Variants in FRMD4B observed in about 807,000 individuals in gnomAD.
The protein encoded by FRMD4B is FERM domain-containing protein 4B.
FRMD4B carries 74 observed loss-of-function variants against 141.5 expected under a neutral mutation model. That is an observed-to-expected ratio of 0.52 (90% CI 0.43 to 0.63). The LOEUF is 0.63. Among genes scored for constraint, FRMD4B ranks in the 30% least tolerant of loss-of-function variants. The pLI is 0.00. For synonymous variants in FRMD4B, 506 were observed against 467.9 expected (o/e 1.08, Z -1.05); for missense variants, 1,366 against 1,253.4 (o/e 1.09, Z -1.36).
chr3:69,425,705 A>G (rs1368708227), intron 2 of FRMD4B, among the ~76,000 whole-genome samples: 1 of 152,216 alleles, frequency 6.6e-6, no homozygotes, highest in Admixed American at 6.5e-5. Context: ...TGCACTTGGT[A>G]CAAAGTAGAT....
chr3:69,536,246 G>A (rs1335284095), intron 1 of FRMD4B: 1 of 607,816 alleles, frequency 1.6e-6, no homozygotes, highest in Non-Finnish European at 3.0e-6. Context: ...CTTCCCCTTG[G>A]CCTTTTCCGC....
At chr3:69,231,826 T>C (rs539266881) in intron 7 of FRMD4B, among the ~76,000 whole-genome samples, 6 of 152,280 alleles carry the variant, frequency 3.9e-5, no homozygotes, top group Non-Finnish European at 7.4e-5. Flanking sequence ...GGCATATTAT[T>C]ATAGAAGGTT....
Position 69,267,707 on chromosome 3 carries a change from C to G in FRMD4B, c.502-17608G>C, listed in dbSNP as rs558793301. Reference sequence around the variant, plus strand: ...GAGAGAGAGTGTCTGTCTGTCCCCCCAGTCTATCTCTGCCTCCCGGGTTCA... The same window carrying G: ...GAGAGAGAGTGTCTGTCTGTCCCCCGAGTCTATCTCTGCCTCCCGGGTTCA... On this transcript the variant is annotated intron_variant, in intron 5 of 22. Coordinates refer to ENST00000398540, the MANE Select transcript of FRMD4B (RefSeq NM_015123.3). Among the ~76,000 whole-genome samples, 16 of 148,688 alleles carry G rather than the reference C, an allele frequency of 1.1e-4. 1 individual carries two copies. In the South Asian group the frequency reaches 3.4e-3, roughly 32 times the overall value.
At chr3:69,235,142 C>G (rs113405560) in intron 7 of FRMD4B, among the ~76,000 whole-genome samples, 2 of 136,064 alleles carry the variant, frequency 1.5e-5, no homozygotes, top group African/African-American at 5.5e-5. Flanking sequence ...AGAGCGAGAC[C>G]CTGTCTCAAA....
At chr3:69,459,082 A>G (rs1342575663) in intron 1 of FRMD4B, among the ~76,000 whole-genome samples, 2 of 152,200 alleles carry the variant, frequency 1.3e-5, no homozygotes, top group African/African-American at 2.4e-5. Context: ...TTTATGTGCT[A>G]ACAAAATGCA....
At chr3:69,453,637 T>G (rs540423865) in intron 1 of FRMD4B, among the ~76,000 whole-genome samples, 20 of 152,194 alleles carry the variant, frequency 1.3e-4, no homozygotes, top group South Asian at 6.2e-4. Context: ...AAAACCAATC[T>G]CAGCATGGCT....
chr3:69,244,370 G>A (rs2093409125), intron 7 of FRMD4B, among the ~76,000 whole-genome samples: 1 of 152,198 alleles, frequency 6.6e-6, no homozygotes, highest in Non-Finnish European at 1.5e-5. Flanking sequence ...ACAAGGAGTG[G>A]ACCAGAGCAG....
intron 1 of FRMD4B, among the ~76,000 whole-genome samples, chr3:69,380,324 G>T (rs1199974726): frequency 6.6e-6 from 1 of 152,142 alleles, no homozygotes; most frequent in African/African-American, 2.4e-5. Context: ...GTAAAAATGG[G>T]AATGTAGTCT....
At chr3:69,216,023 G>A (rs141759795) in intron 11 of FRMD4B, among the ~76,000 whole-genome samples, 60 of 152,188 alleles carry the variant, frequency 3.9e-4, no homozygotes, top group Admixed American at 1.5e-3. Flanking sequence ...GTGTGGTGGC[G>A]TGTGCCTGTA....
chr3:69,478,079 T>G (rs1706033708), intron 1 of FRMD4B, among the ~76,000 whole-genome samples: 4 of 152,202 alleles, frequency 2.6e-5, no homozygotes, highest in African/African-American at 7.2e-5. Context: ...ATTGCATCTA[T>G]TTGATTCTTC....
intron 1 of FRMD4B, among the ~76,000 whole-genome samples, chr3:69,338,988 G>T (rs1668991670): frequency 6.6e-6 from 1 of 151,952 alleles, no homozygotes. Context: ...AATCCTCATG[G>T]GTTAATATCC....
chr3:69,455,293 T>G (rs541402851), intron 1 of FRMD4B, among the ~76,000 whole-genome samples: 1 of 152,236 alleles, frequency 6.6e-6, no homozygotes, highest in Non-Finnish European at 1.5e-5. Flanking sequence ...TCTGTTTACA[T>G]AATGTGGGAG....
At chr3:69,381,746 T>C (rs990027807) in intron 1 of FRMD4B, among the ~76,000 whole-genome samples, 5 of 152,236 alleles carry the variant, frequency 3.3e-5, no homozygotes, top group Admixed American at 3.3e-4. Flanking sequence ...TTAATCTTTG[T>C]ACTTATCTTG....
At chr3:69,421,141 C>T (rs1704970951) in intron 2 of FRMD4B, among the ~76,000 whole-genome samples, 1 of 152,202 alleles carries the variant, frequency 6.6e-6, no homozygotes, top group Non-Finnish European at 1.5e-5. Context: ...CTTAGATACA[C>T]CCAGGTGCTA....
At chr3:69,451,188 T>C (rs528242483) in intron 1 of FRMD4B, among the ~76,000 whole-genome samples, 7 of 151,396 alleles carry the variant, frequency 4.6e-5, no homozygotes, top group African/African-American at 1.7e-4. Context: ...ATAGCCAGGG[T>C]GGTGATTTCC....
At chr3:69,341,955 T>A (rs1477381993) in intron 1 of FRMD4B, among the ~76,000 whole-genome samples, 1 of 152,180 alleles carries the variant, frequency 6.6e-6, no homozygotes, top group South Asian at 2.1e-4. Flanking sequence ...CAAAATGGAC[T>A]AAGACAGGCA....
chr3:69,361,755 T>C (rs1056673614), intron 1 of FRMD4B, among the ~76,000 whole-genome samples: 2 of 152,226 alleles, frequency 1.3e-5, no homozygotes, highest in Admixed American at 1.3e-4. Flanking sequence ...CTCTTGTTAA[T>C]GGAAATCAGT....
intron 3 of FRMD4B, among the ~76,000 whole-genome samples, chr3:69,309,561 G>A (rs1368063918): frequency 6.7e-6 from 1 of 150,104 alleles, no homozygotes; most frequent in Non-Finnish European, 1.5e-5. Flanking sequence ...TCCCACCTCA[G>A]CCTCCCGAGT....
intron 1 of FRMD4B, among the ~76,000 whole-genome samples, chr3:69,476,164 T>A (rs74988871): frequency 6.7e-5 from 10 of 150,318 alleles, no homozygotes; most frequent in African/African-American, 2.5e-4. Context: ...GCCTGTTCAC[T>A]CTGATGGTAG....
Sources: gnomAD v4.1 joint callset for allele counts (sites outside exome capture counted in the v4.1 genomes callset) on GRCh38, gnomAD v4.1.1 for gene constraint, MANE v1.5 for transcripts, NCBI Gene and HGNC (gene_info 2026-07-23, HGNC 2026-07-21) for gene names.